The following PSD3 variants were observed in gnomAD, a reference collection of about 807,000 sequenced individuals.
PSD3 encodes the protein PH and SEC7 domain-containing protein 3.
PSD3 carries 49 observed loss-of-function variants against 105.5 expected under a neutral mutation model. The ratio of observed to expected loss-of-function variants is 0.46; its 90% CI spans 0.37 to 0.59. PSD3 has a LOEUF of 0.59. Ranked by LOEUF, PSD3 falls within the 20% of genes least tolerant of loss-of-function variation. The pLI, the probability that PSD3 is intolerant of heterozygous loss-of-function variation, is 0.00. For missense variants in PSD3, 1,561 were observed against 1,263.8 expected (o/e 1.24, Z -3.57); for synonymous variants, 557 against 457.8 (o/e 1.22, Z -2.77).
intron 2 of PSD3, among the ~76,000 whole-genome samples, chr8:18,935,501 C>T (rs1475143265): frequency 1.4e-5 from 2 of 142,242 alleles, no homozygotes; most frequent in Non-Finnish European, 3.0e-5. Context: ...CATAGCCAGA[C>T]CCTGTCTCTT....
At position 18,871,723 on chromosome 8, in the gene PSD3, G is replaced by C. The variant is rs201695976; in HGVS notation, c.1141C>G (p.Pro381Ala). ...TCTCCACTCTCATCAAGACGCACAG[G>C]GGAAAATGTCCCCGAGCTAGTGCCA... ...RPGTSSGTFS[P>A]VRLDESGEDE... is the part of the protein sequence containing the mutation. Residue 381 changes from proline to alanine, a missense_variant, in exon 3 of 16, where the codon CCT becomes GCT. Transcript: ENST00000327040. The C allele has an allele frequency of 1.2e-6, 2 of 1,614,122 alleles. No homozygotes were observed. Among genetic ancestry groups the C allele is most frequent in the Non-Finnish European group, 1.7e-6 (2 of 1,180,024 alleles).
intron 14 of PSD3, among the ~76,000 whole-genome samples, chr8:18,566,642 G>A (rs901766324): frequency 1.3e-4 from 20 of 152,092 alleles, no homozygotes; most frequent in African/African-American, 4.8e-4. Context: ...GTGGGGTGGC[G>A]GAGATCATCT....
In PSD3 at chr8:18,534,382, A is replaced by G. The variant is rs555903091; in HGVS notation, c.*1361T>C. 1.3e-5 allele frequency: 2 copies of G among 152,738 alleles called. No homozygotes were observed. Among genetic ancestry groups the G allele is most frequent in the African/African-American group, 4.8e-5 (2 of 41,564 alleles). 9.5% of individuals were successfully genotyped at this position (152,738 alleles called of 1,614,324 possible). A position where few individuals can be genotyped will look rare whatever the true frequency, so the allele number is the denominator to read the frequency against. On this transcript the variant is annotated 3_prime_UTR_variant, in exon 16 of 16. Coordinates refer to ENST00000327040, the MANE Select transcript of PSD3 (RefSeq NM_015310.4). ...TTCACTCCTTTCTCTTCCTCTACAG[A>G]AGAATATTCTGTTTATCACCCTGAA...
intron 1 of PSD3, among the ~76,000 whole-genome samples, chr8:18,993,022 C>A (rs1046217867): frequency 6.7e-4 from 102 of 152,162 alleles, no homozygotes; most frequent in African/African-American, 2.4e-3. Flanking sequence ...TTCCTAATTT[C>A]TTGTATAATC....
At chr8:18,540,046 G>A (rs920811195) in intron 15 of PSD3, among the ~76,000 whole-genome samples, 2 of 152,122 alleles carry the variant, frequency 1.3e-5, no homozygotes, top group Non-Finnish European at 2.9e-5. Flanking sequence ...AGCCCCATGA[G>A]AGGAATTATG....
intron 4 of PSD3, among the ~76,000 whole-genome samples, chr8:18,826,902 T>A (rs1353013326): frequency 1.3e-5 from 2 of 152,180 alleles, no homozygotes; most frequent in South Asian, 2.1e-4. Flanking sequence ...CAAAGTGATA[T>A]CAATGGTATG....
intron 12 of PSD3, among the ~76,000 whole-genome samples, chr8:18,588,767 T>G (rs1022875021): frequency 6.6e-6 from 1 of 152,178 alleles, no homozygotes; most frequent in African/African-American, 2.4e-5. Flanking sequence ...TAACCCATTC[T>G]CCATCTTGAT....
chr8:18,921,596 C>CA (rs939390741), intron 2 of PSD3, among the ~76,000 whole-genome samples: 11 of 151,908 alleles, frequency 7.2e-5, no homozygotes, highest in East Asian at 1.9e-4. Context: ...AGAAAAAGAA[C>CA]AAAAAAATGG....
chr8:18,671,480 G>A (rs1042932234), intron 9 of PSD3, among the ~76,000 whole-genome samples: 1 of 152,160 alleles, frequency 6.6e-6, no homozygotes, highest in Non-Finnish European at 1.5e-5. Context: ...AGGTAATGTA[G>A]TTATGATCTG....
intron 1 of PSD3, among the ~76,000 whole-genome samples, chr8:18,946,836 C>T (rs1354762226): frequency 1.4e-5 from 2 of 147,422 alleles, no homozygotes; most frequent in South Asian, 2.2e-4. Context: ...ACCTGGGAGA[C>T]GAAGGTTGCA....
chr8:18,631,737 A>G (rs1376362136), intron 11 of PSD3, among the ~76,000 whole-genome samples: 1 of 151,942 alleles, frequency 6.6e-6, no homozygotes, highest in Non-Finnish European at 1.5e-5. Flanking sequence ...GAACATTAAG[A>G]AATTTGTTCA....
chr8:18,900,163 C>T (rs894527175), intron 2 of PSD3, among the ~76,000 whole-genome samples: 8 of 152,078 alleles, frequency 5.3e-5, no homozygotes, highest in Non-Finnish European at 7.4e-5. Flanking sequence ...CTAAAATTAT[C>T]GAACCATCTT....
intron 8 of PSD3, among the ~76,000 whole-genome samples, chr8:18,768,878 T>C (rs1006309786): frequency 3.0e-4 from 46 of 152,218 alleles, no homozygotes; most frequent in African/African-American, 1.0e-3. Flanking sequence ...AAAAAAATGG[T>C]TTGACAGAAG....
chr8:18,996,787 C>T (rs1302497312), intron 1 of PSD3, among the ~76,000 whole-genome samples: 4 of 151,868 alleles, frequency 2.6e-5, no homozygotes, highest in African/African-American at 4.8e-5. Context: ...TCTACTTCTG[C>T]GCTCTCTTAC....
At chr8:18,579,184 TA>T (rs1802654806) in intron 12 of PSD3, among the ~76,000 whole-genome samples, 2 of 149,258 alleles carry the variant, frequency 1.3e-5, no homozygotes, top group Admixed American at 6.7e-5. Flanking sequence ...ACAATTGGAT[TA>T]AAAAAATGAC....
At position 18,751,033 on chromosome 8, in the gene PSD3, G is replaced by C. The variant is rs532006935; in HGVS notation, c.2172+14416C>G. 5.2e-3 allele frequency among the ~76,000 whole-genome samples: 799 copies of C among 152,260 alleles called. 7 individuals carry two copies. Among genetic ancestry groups the C allele is most frequent in the African/African-American group, 0.019 (774 of 41,552 alleles). On this transcript the variant is annotated intron_variant, in intron 9 of 15. Transcript: ENST00000327040. ...GTGGAGCTGCCTGCCAGTCCTGCGCGATGCGCTCACACTCCTCAGCCCTTG... is the reference window on the plus strand; with the variant it reads ...GTGGAGCTGCCTGCCAGTCCTGCGCCATGCGCTCACACTCCTCAGCCCTTG...
chr8:18,974,154 C>G (rs10503642), intron 1 of PSD3, among the ~76,000 whole-genome samples: 10,030 of 152,236 alleles, frequency 0.066, 796 homozygotes, highest in African/African-American at 0.19. Context: ...CCAGTTCTCT[C>G]CATAGATTGT....
chr8:18,652,493 GTTT>G (rs67555804), intron 10 of PSD3, among the ~76,000 whole-genome samples: 6 of 92,600 alleles, frequency 6.5e-5, no homozygotes, highest in African/African-American at 2.2e-4. Context: ...AAAAAGCTTA[GTTT>G]TTTTTTTTTT....
At chr8:18,547,524 C>A (rs1425605039) in intron 15 of PSD3, among the ~76,000 whole-genome samples, 1 of 152,152 alleles carries the variant, frequency 6.6e-6, no homozygotes. Context: ...CAGGGTGCCC[C>A]ATCACCCTCA....
Sources: allele counts gnomAD v4.1 joint callset (sites outside exome capture counted in the v4.1 genomes callset), GRCh38; gene constraint gnomAD v4.1.1; transcripts MANE v1.5; gene names NCBI Gene and HGNC (gene_info 2026-07-23, HGNC 2026-07-21).